The following PRKG1 variants were observed in gnomAD, a reference collection of about 807,000 sequenced individuals.
PRKG1 encodes cGMP-dependent protein kinase 1.
A neutral mutation model predicts 88.1 loss-of-function variants in PRKG1; 35 were observed. That is an observed-to-expected ratio of 0.40 (90% CI 0.30 to 0.53). The LOEUF (loss-of-function observed/expected upper bound fraction) is 0.53, where lower values mean the gene tolerates loss of function less well. Among genes scored for constraint, PRKG1 ranks in the 20% least tolerant of loss-of-function variants. PRKG1 has a pLI of 0.59. For missense variants in PRKG1, 540 were observed against 839.8 expected, an observed-to-expected ratio of 0.64 and a Z score of 4.41; for synonymous variants, 303 against 292.5, an observed-to-expected ratio of 1.04 and a Z score of -0.37.
chr10:52,151,463 A>T (rs1014149163), intron 8 of PRKG1, among the ~76,000 whole-genome samples: 13 of 152,200 alleles, frequency 8.5e-5, no homozygotes, highest in Admixed American at 7.2e-4. Flanking sequence ...TCCATTGGGA[A>T]AGTATATTAT....
chr10:51,192,387 C>A (rs1837653048), intron 2 of PRKG1, among the ~76,000 whole-genome samples: 1 of 151,862 alleles, frequency 6.6e-6, no homozygotes, highest in Admixed American at 6.6e-5. Context: ...CTCTATTAAA[C>A]TTTGAAATTC....
chr10:52,133,256 A>G (rs1245136022), intron 7 of PRKG1, among the ~76,000 whole-genome samples: 1 of 152,116 alleles, frequency 6.6e-6, no homozygotes, highest in African/African-American at 2.4e-5. Context: ...TAAAGAGACA[A>G]TATTTACATG....
intron 2 of PRKG1, among the ~76,000 whole-genome samples, chr10:51,293,454 T>A (rs1450225396): frequency 6.6e-6 from 1 of 152,198 alleles, no homozygotes; most frequent in Non-Finnish European, 1.5e-5. Context: ...TTCATTCTAT[T>A]CAAGGTGAGA....
chr10:51,565,624 A>T (rs1490659669), intron 3 of PRKG1, among the ~76,000 whole-genome samples: 1 of 152,138 alleles, frequency 6.6e-6, no homozygotes, highest in African/African-American at 2.4e-5. Flanking sequence ...AACTTGAACT[A>T]GAGTATATCC....
intron 2 of PRKG1, among the ~76,000 whole-genome samples, chr10:51,376,220 T>C (rs922722179): frequency 1.3e-5 from 2 of 152,246 alleles, no homozygotes; most frequent in Non-Finnish European, 2.9e-5. Context: ...TCTAAACTAT[T>C]CATAATTCAA....
intron 3 of PRKG1, among the ~76,000 whole-genome samples, chr10:51,617,897 G>A (rs1022554119): frequency 6.6e-6 from 1 of 152,216 alleles, no homozygotes; most frequent in African/African-American, 2.4e-5. Context: ...TAAAATGTAA[G>A]AGGTTAAACC....
intron 12 of PRKG1, among the ~76,000 whole-genome samples, chr10:52,278,761 G>A (rs1446411346): frequency 6.6e-6 from 1 of 151,858 alleles, no homozygotes; most frequent in Non-Finnish European, 1.5e-5. Flanking sequence ...AAATTACATG[G>A]GCATGGTGGT....
intron 2 of PRKG1, among the ~76,000 whole-genome samples, chr10:51,208,887 T>C (rs1186290429): frequency 6.6e-6 from 1 of 152,214 alleles, no homozygotes; most frequent in Non-Finnish European, 1.5e-5. Context: ...GATTGTGTCT[T>C]CATTTTGACA....
At chr10:51,940,364 A>G (rs1842880575) in intron 5 of PRKG1, among the ~76,000 whole-genome samples, 1 of 151,850 alleles carries the variant, frequency 6.6e-6, no homozygotes, top group Admixed American at 6.6e-5. Flanking sequence ...TGATCCCAGG[A>G]AACGTACTTT....
intron 9 of PRKG1, 81 bp downstream of exon 9, chr10:52,162,044 C>T (rs1308067368): frequency 1.0e-5 from 12 of 1,161,280 alleles, no homozygotes; most frequent in Non-Finnish European, 1.3e-5. Context: ...GGACTTGACA[C>T]ATCCCAACAC....
At chr10:51,149,928 T>C (rs1353363612) in intron 1 of PRKG1, among the ~76,000 whole-genome samples, 2 of 152,078 alleles carry the variant, frequency 1.3e-5, no homozygotes, top group Non-Finnish European at 2.9e-5. Flanking sequence ...ATAGCTAATA[T>C]TTCAGAGGCT....
intron 2 of PRKG1, among the ~76,000 whole-genome samples, chr10:51,419,776 G>A (rs1838356420): frequency 6.6e-6 from 1 of 151,838 alleles, no homozygotes; most frequent in African/African-American, 2.4e-5. Context: ...AAGATTAATC[G>A]AGTTCTTGTT....
At chr10:52,242,339 G>C (rs1840887007) in intron 9 of PRKG1, 1 of 152,152 alleles carries the variant, frequency 6.6e-6, no homozygotes, top group Non-Finnish European at 1.5e-5. Flanking sequence ...AATTTCCTCA[G>C]ATCCCAGCTT....
intron 3 of PRKG1, among the ~76,000 whole-genome samples, chr10:51,508,499 T>C (rs1043513348): frequency 6.6e-6 from 1 of 152,124 alleles, no homozygotes; most frequent in African/African-American, 2.4e-5. Context: ...AATTAGCAGA[T>C]TGCCTTGAAA....
intron 2 of PRKG1, among the ~76,000 whole-genome samples, chr10:51,236,377 T>C (rs1382198177): frequency 6.6e-6 from 1 of 152,174 alleles, no homozygotes; most frequent in Non-Finnish European, 1.5e-5. Flanking sequence ...GTCTTTGTTG[T>C]CAGTATTTGT....
intron 5 of PRKG1, among the ~76,000 whole-genome samples, chr10:52,021,351 G>A (rs1845179690): frequency 6.6e-6 from 1 of 152,170 alleles, no homozygotes; most frequent in African/African-American, 2.4e-5. Context: ...TGGGGTGTGA[G>A]GTAGAGTCTT....
Position 52,195,530 on chromosome 10 carries a change from T to C in PRKG1, c.1076+33567T>C, listed in dbSNP as rs182763225. Among the ~76,000 whole-genome samples, 157 of 152,266 alleles carry C rather than the reference T, an allele frequency of 1.0e-3. 2 individuals are homozygous for C. In the East Asian group the frequency reaches 0.023, roughly 22 times the overall value. On this transcript the variant is annotated intron_variant, in intron 9 of 17. Transcript: ENST00000373980. ...AACCTATAAATACAGATAGAGTTTATCAATGTGTGCTGGGTTCATTATATT... is the reference window on the plus strand; with the variant it reads ...AACCTATAAATACAGATAGAGTTTACCAATGTGTGCTGGGTTCATTATATT...
intron 1 of PRKG1, among the ~76,000 whole-genome samples, chr10:51,128,878 A>G (rs1845497010): frequency 1.3e-5 from 2 of 152,210 alleles, no homozygotes; most frequent in Admixed American, 1.3e-4. Context: ...CAAAGACGTT[A>G]ATTCGATGAA....
At chr10:51,418,396 G>A (rs568520549) in intron 2 of PRKG1, among the ~76,000 whole-genome samples, 1 of 152,160 alleles carries the variant, frequency 6.6e-6, no homozygotes, top group Non-Finnish European at 1.5e-5. Flanking sequence ...AGGCAATTTT[G>A]TATAATTGAG....
Sources: gnomAD v4.1 joint callset for allele counts (sites outside exome capture counted in the v4.1 genomes callset) on GRCh38, gnomAD v4.1.1 for gene constraint, MANE v1.5 for transcripts, NCBI Gene and HGNC (gene_info 2026-07-23, HGNC 2026-07-21) for gene names.